CAMK2A: variants seen among roughly 807,000 people sequenced by gnomAD.
The protein encoded by CAMK2A is calcium/calmodulin dependent protein kinase II alpha.
In CAMK2A, 7 loss-of-function variants were observed where a neutral mutation model predicts 79.2. The observed-to-expected ratio is 0.09, with a 90% CI of 0.05 to 0.17. The LOEUF is 0.17. CAMK2A is among the 10% of genes least tolerant of loss of function. The probability of loss-of-function intolerance (pLI) is 1.00; values close to 1 mark genes in which losing one functional copy is unlikely to be tolerated. For synonymous variants in CAMK2A, 242 were observed against 251.7 expected (o/e 0.96, Z 0.36); for missense variants, 214 against 646.4 (o/e 0.33, Z 7.25).
chr5:150,287,766 A>G (rs1451616015), intron 1 of CAMK2A, among the ~76,000 whole-genome samples: 1 of 152,080 alleles, frequency 6.6e-6, no homozygotes, highest in African/African-American at 2.4e-5. Context: ...TCCCTGCACA[A>G]GTTTGTAGAC....
At chr5:150,285,652 G>T (rs991834076) in intron 1 of CAMK2A, among the ~76,000 whole-genome samples, 3 of 152,108 alleles carry the variant, frequency 2.0e-5, no homozygotes, top group Admixed American at 2.0e-4. Flanking sequence ...AACCATGCTG[G>T]CCAACTGCAG....
chr5:150,289,842 C>T (rs1757591827), upstream of CAMK2A: 1 of 544,460 alleles, frequency 1.8e-6, no homozygotes, highest in Admixed American at 3.2e-5. Context: ...ATGGCAACCA[C>T]CTCCAAAACG....
In CAMK2A at chr5:150,289,763, C is replaced by T. The variant is rs1757588808; in HGVS notation, c.-138G>A. The T allele has an allele frequency of 1.6e-6, 1 of 642,962 alleles. No individual in the cohort carries two copies. The highest frequency in any genetic ancestry group is 2.7e-6 in the Non-Finnish European group (1 of 368,350). The allele number at this position is 642,962 out of a possible 1,614,324, so 39.8% of individuals were successfully genotyped here. A position where few individuals can be genotyped will look rare whatever the true frequency, so the allele number is the denominator to read the frequency against. On this transcript the variant is annotated 5_prime_UTR_variant, in exon 1 of 19. Transcript: ENST00000671881. ...CAGAGAACCGGTTTGACTGACGAGC[C>T]CGGGGCTTCTGAGCAGGGCACTGTG... is the stretch of plus-strand genomic sequence containing the variant.
chr5:150,237,395 C>G (rs1460223072), intron 15 of CAMK2A, among the ~76,000 whole-genome samples: 1 of 151,890 alleles, frequency 6.6e-6, no homozygotes, highest in African/African-American at 2.4e-5. Flanking sequence ...CCACCACCAC[C>G]AGGCATCTCT....
chr5:150,271,223 T>C (rs767886321), intron 2 of CAMK2A, among the ~76,000 whole-genome samples: 1 of 152,180 alleles, frequency 6.6e-6, no homozygotes, highest in Non-Finnish European at 1.5e-5. Context: ...CTGTCTCTAG[T>C]TCCCAGCCTT....
At chr5:150,265,230 C>T (rs1562183328) in intron 2 of CAMK2A, 1 of 550,856 alleles carries the variant, frequency 1.8e-6, no homozygotes, top group Non-Finnish European at 3.3e-6. Flanking sequence ...TCAAGCACAT[C>T]CCTCGCCCTC....
At chr5:150,250,101 G>T in intron 11 of CAMK2A, 125 bp downstream of exon 11, 1 of 703,812 alleles carries the variant, frequency 1.4e-6, no homozygotes, top group Non-Finnish European at 2.5e-6. Flanking sequence ...GTATGCAGTA[G>T]GTGTTCAATA....
Position 150,284,756 on chromosome 5 carries a change from T to A in CAMK2A, c.62+4808A>T, listed in dbSNP as rs142025445. Among the ~76,000 whole-genome samples, 402 of 152,236 alleles carry A rather than the reference T, an allele frequency of 2.6e-3. 2 individuals are homozygous for A. Among genetic ancestry groups the A allele is most frequent in the African/African-American group, 8.6e-3 (359 of 41,528 alleles). ...AGTCCCCTAGCCTGGGCCCTCTCTC[T>A]CCTGTGGCCTTGGACAAACCACTTC... is the stretch of plus-strand genomic sequence containing the variant. On this transcript the variant is annotated intron_variant, in intron 1 of 18. Transcript: ENST00000671881. This position sits in a 1 kb window ranked among gnomAD's most constrained non-coding sequence, Gnocchi z 5.3.
intron 10 of CAMK2A, 94 bp from the exon 11 acceptor site, chr5:150,250,403 T>C: frequency 9.5e-7 from 1 of 1,050,908 alleles, no homozygotes; most frequent in Non-Finnish European, 1.5e-6. Context: ...TTAATGGAGG[T>C]GTGGTTGACA....
chr5:150,257,553 C>G lies in CAMK2A; in HGVS notation c.272+10G>C. 6.4e-7 allele frequency: 1 copy of G among 1,563,718 alleles called. No homozygotes were observed. The highest frequency in any genetic ancestry group is 8.7e-7 in the Non-Finnish European group (1 of 1,153,916). On this transcript the variant is annotated intron_variant, in intron 4 of 18. Transcript: ENST00000671881. ...ACCGTTGGCGCATCCCAGGGCGGGG[C>G]CAAACTCACAGGTCGAAGATCAGGT...
In CAMK2A at chr5:150,267,220, G is replaced by A. The variant is rs538095789; in HGVS notation, c.158-2205C>T. Among the ~76,000 whole-genome samples the A allele has an allele frequency of 5.9e-5, 9 of 152,280 alleles. No homozygotes were observed. The South Asian group carries it at 1.2e-3, about 21-fold the overall frequency. ...GATGCCCATCCAGAGCTGACCAGGC[G>A]GGGCCCTCCCCCTGCTCCACGTCCC... is the stretch of plus-strand genomic sequence containing the variant. On this transcript the variant is annotated intron_variant, in intron 2 of 18. Transcript: ENST00000671881.
intron 15 of CAMK2A, among the ~76,000 whole-genome samples, chr5:150,234,621 G>T (rs1223995785): frequency 6.6e-6 from 1 of 152,182 alleles, no homozygotes; most frequent in Non-Finnish European, 1.5e-5. Context: ...TTAGCACAGT[G>T]CCTGGCTCTT....
chr5:150,223,258 G>C lies in CAMK2A; in HGVS notation c.1238-41C>G. On this transcript the variant is annotated intron_variant, in intron 17 of 18. Coordinates refer to ENST00000671881, the MANE Select transcript of CAMK2A (RefSeq NM_015981.4). This position sits in a 1 kb window ranked among gnomAD's most constrained non-coding sequence, Gnocchi z 4.1. ...GGAGGGGCAGAGGAGATGCAACCGG[G>C]GGCCTCCTGTCTCACTTTCTTCACT... The C allele has an allele frequency of 6.5e-7, 1 of 1,532,770 alleles. No individual in the cohort carries two copies. Among genetic ancestry groups the C allele is most frequent in the Non-Finnish European group, 9.0e-7 (1 of 1,113,840 alleles). The allele number at this position is 1,532,770 out of a possible 1,614,324, so 94.9% of individuals were successfully genotyped here.
At chr5:150,227,520 G>T (rs1269426221) in intron 17 of CAMK2A, among the ~76,000 whole-genome samples, 4 of 152,196 alleles carry the variant, frequency 2.6e-5, no homozygotes, top group Non-Finnish European at 4.4e-5. Flanking sequence ...TGTGCGTTTT[G>T]GTTCATCCCT....
upstream of CAMK2A, chr5:150,289,995 TG>T (rs1156968564): frequency 7.4e-5 from 16 of 216,108 alleles, no homozygotes; most frequent in Non-Finnish European, 1.1e-4. Flanking sequence ...CCAGCACCCC[TG>T]GGGTGATGGA....
chr5:150,254,837 C>T (rs1478353320), intron 6 of CAMK2A, among the ~76,000 whole-genome samples: 1 of 152,186 alleles, frequency 6.6e-6, no homozygotes, highest in African/African-American at 2.4e-5. Context: ...GTAAGCACTT[C>T]GCTGTGGCCT....
chr5:150,230,336 A>T (rs1272438887), intron 16 of CAMK2A, among the ~76,000 whole-genome samples: 1 of 117,348 alleles, frequency 8.5e-6, no homozygotes, highest in African/African-American at 2.6e-5. Context: ...AAAAAAAAAA[A>T]AAAAGGGAAA....
chr5:150,221,559 C>T lies in CAMK2A; in HGVS notation c.*1151G>A. On this transcript the variant is annotated 3_prime_UTR_variant, in exon 19 of 19. Transcript: ENST00000671881. ...AGTCCAGGTATTTCCATCCTGACAGCCTCCCTCCTCCTCTCTGCCCTGACT... is the reference window on the plus strand; with the variant it reads ...AGTCCAGGTATTTCCATCCTGACAGTCTCCCTCCTCCTCTCTGCCCTGACT... 1 of 398,708 alleles carries T rather than the reference C, an allele frequency of 2.5e-6. No homozygotes were observed. The highest frequency in any genetic ancestry group is 4.4e-6 in the Non-Finnish European group (1 of 226,064). The allele number at this position is 398,708 out of a possible 1,614,324, so 24.7% of individuals were successfully genotyped here.
intron 2 of CAMK2A, among the ~76,000 whole-genome samples, chr5:150,272,572 CAA>C (rs1216822947): frequency 1.3e-4 from 13 of 98,728 alleles, no homozygotes; most frequent in Admixed American, 1.1e-4. Context: ...AACTCCATCT[CAA>C]AAAAAAAAAA....
Sources: allele counts gnomAD v4.1 joint callset (sites outside exome capture counted in the v4.1 genomes callset), GRCh38; gene constraint gnomAD v4.1.1; non-coding constraint Gnocchi (gnomAD v3.1); transcripts MANE v1.5; gene names NCBI Gene and HGNC (gene_info 2026-07-23, HGNC 2026-07-21).